DIP2A: variants seen among roughly 807,000 people sequenced by gnomAD.
The protein encoded by DIP2A is disco-interacting protein 2 homolog A.
DIP2A carries 85 observed loss-of-function variants against 177.4 expected under a neutral mutation model. The ratio of observed to expected loss-of-function variants is 0.48; its 90% CI spans 0.40 to 0.57. The LOEUF (loss-of-function observed/expected upper bound fraction) is 0.57, where lower values mean the gene tolerates loss of function less well. Among genes scored for constraint, DIP2A ranks in the 20% least tolerant of loss-of-function variants. The probability of loss-of-function intolerance (pLI) is 0.00; values close to 1 mark genes in which losing one functional copy is unlikely to be tolerated. For synonymous variants in DIP2A, 886 were observed against 881.8 expected (o/e 1.00, Z -0.08); for missense variants, 1,791 against 2,100.2 (o/e 0.85, Z 2.88).
At position 46,567,501 on chromosome 21, in the gene DIP2A, T is replaced by A. The variant is rs1187369481; in HGVS notation, c.4595T>A (p.Val1532Glu). The part of the protein sequence containing the change: ...LEEHYLVVGV[V>E]VIVDPGVIPI... ...GAGCACTACCTGGTCGTGGGAGTGGTGGTCATCGTGGACCCAGGGGTGATC... is the reference window on the plus strand; with the variant it reads ...GAGCACTACCTGGTCGTGGGAGTGGAGGTCATCGTGGACCCAGGGGTGATC... The change falls in exon 38 of 38, where the codon GTG (valine) becomes GAG (glutamate). Residue 1532 changes from valine (V) to glutamate (E), a missense_variant. Val to Glu is a moderately radical substitution (Grantham distance 121). Transcript: ENST00000417564. The A allele has an allele frequency of 6.2e-7, 1 of 1,613,810 alleles. No homozygotes were observed. Among genetic ancestry groups the A allele is most frequent in the Non-Finnish European group, 8.5e-7 (1 of 1,179,862 alleles).
chr21:46,469,192 A>G (rs771984915), intron 1 of DIP2A: 14 of 152,258 alleles, frequency 9.2e-5, no homozygotes, highest in Non-Finnish European at 1.8e-4. Flanking sequence ...TTCTGTCTCC[A>G]GCACCTTGCA....
chr21:46,548,471 C>G (rs1363021854), intron 21 of DIP2A, among the ~76,000 whole-genome samples: 1 of 152,084 alleles, frequency 6.6e-6, no homozygotes, highest in East Asian at 1.9e-4. Context: ...GGAACCACAA[C>G]CAATTGAGAG....
downstream of DIP2A, among the ~76,000 whole-genome samples, chr21:46,573,645 C>CAAAAAAAAAAAAAAAAAAAAAAAAA (rs201994694): frequency 4.9e-4 from 26 of 52,976 alleles, 1 homozygote; most frequent in Non-Finnish European, 6.8e-4. Context: ...CCCTCTCTCA[C>CAAAAAAAAAAAAAAAAAAAAAAAAA]AAAAAAAAAA....
chr21:46,467,812 C>A (rs192265813), intron 1 of DIP2A, among the ~76,000 whole-genome samples: 10 of 151,804 alleles, frequency 6.6e-5, no homozygotes, highest in Admixed American at 1.3e-4. Flanking sequence ...TTCTAAGTTT[C>A]TTTAAAAATA....
chr21:46,528,941 A>G, intron 8 of DIP2A, 151 bp from the exon 9 acceptor site: 1 of 488,612 alleles, frequency 2.0e-6, no homozygotes, highest in South Asian at 3.0e-5. Context: ...TGTTCATTAC[A>G]ACATTGTGCA....
chr21:46,471,563 GTATTGCA>G (rs1425592768), intron 1 of DIP2A, among the ~76,000 whole-genome samples: 5 of 152,186 alleles, frequency 3.3e-5, no homozygotes, highest in African/African-American at 9.7e-5. Context: ...GACATTTTCA[GTATTGCA>G]CTGGTCTATT....
At chr21:46,464,815 G>GTTTTTTTTTTTTT (rs1568894284) in intron 1 of DIP2A, among the ~76,000 whole-genome samples, 1 of 42,964 alleles carries the variant, frequency 2.3e-5, no homozygotes, top group Admixed American at 3.1e-4. Context: ...TAATATTCAT[G>GTTTTTTTTTTTTT]TCTTTTTTTT....
chr21:46,569,085 A>G lies in DIP2A; in HGVS notation c.*1463A>G, dbSNP rs910336411. On this transcript the variant is annotated 3_prime_UTR_variant, in exon 38 of 38. Coordinates refer to ENST00000417564, the MANE Select transcript of DIP2A (RefSeq NM_015151.4). ...CGAATCTAAGACATAGATTATTTTT[A>G]TATAGCTAATGAAGAGTATGTTACG... The G allele has an allele frequency of 6.6e-6, 1 of 152,224 alleles. No homozygotes were observed. Among genetic ancestry groups the G allele is most frequent in the Non-Finnish European group, 1.5e-5 (1 of 68,040 alleles). 9.4% of individuals were successfully genotyped at this position (152,224 alleles called of 1,614,324 possible).
intron 1 of DIP2A, among the ~76,000 whole-genome samples, chr21:46,472,188 A>G (rs2055445410): frequency 6.6e-6 from 1 of 152,234 alleles, no homozygotes; most frequent in South Asian, 2.1e-4. Flanking sequence ...GTGCATAGAA[A>G]GGCCATGTGA....
intron 33 of DIP2A, 78 bp downstream of exon 33, chr21:46,560,861 A>G (rs1768577250): frequency 2.0e-6 from 3 of 1,531,566 alleles, no homozygotes; most frequent in African/African-American, 1.4e-5. Context: ...CTGACTATGC[A>G]CCCCCGGGAC....
chr21:46,477,570 T>TGTGTGTGTG (rs1180881454), intron 1 of DIP2A, among the ~76,000 whole-genome samples: 2 of 127,944 alleles, frequency 1.6e-5, no homozygotes, highest in South Asian at 2.5e-4. Context: ...TGTGTGTGTA[T>TGTGTGTGTG]TTCTTTTTTT....
chr21:46,534,533 G>A lies in DIP2A; in HGVS notation c.1540-52G>A, dbSNP rs1601717389. 3.3e-6 allele frequency: 5 copies of A among 1,532,498 alleles called. No individual in the cohort carries two copies. The South Asian group carries it at 4.6e-5, about 14-fold the overall frequency. The allele number at this position is 1,532,498 out of a possible 1,614,324, so 94.9% of individuals were successfully genotyped here. A position where few individuals can be genotyped will look rare whatever the true frequency, so the allele number is the denominator to read the frequency against. On this transcript the variant is annotated intron_variant, in intron 12 of 37. Transcript: ENST00000417564. ...GATTCTACCAGTTTCCATTCTGTCTGTTGTCACCTCTAGAAATACCACATC... is the reference window on the plus strand; with the variant it reads ...GATTCTACCAGTTTCCATTCTGTCTATTGTCACCTCTAGAAATACCACATC...
At chr21:46,549,007 AC>A (rs2060166981) in intron 21 of DIP2A, among the ~76,000 whole-genome samples, 1 of 152,252 alleles carries the variant, frequency 6.6e-6, no homozygotes, top group Non-Finnish European at 1.5e-5. Context: ...GTTTTAACAC[AC>A]AGAGGTCCGT....
intron 8 of DIP2A, among the ~76,000 whole-genome samples, chr21:46,525,884 T>G (rs183681659): frequency 2.2e-4 from 29 of 132,062 alleles, no homozygotes; most frequent in African/African-American, 5.9e-4. Flanking sequence ...TTATTATTAT[T>G]ATTATTATTA....
chr21:46,539,535 T>A, intron 16 of DIP2A: 1 of 364,496 alleles, frequency 2.7e-6, no homozygotes, highest in East Asian at 7.1e-5. Flanking sequence ...GCACCTCCTC[T>A]CCAGTGCCTC....
intron 2 of DIP2A, among the ~76,000 whole-genome samples, chr21:46,486,386 G>T (rs1056231124): frequency 2.0e-5 from 3 of 152,114 alleles, no homozygotes; most frequent in African/African-American, 7.2e-5. Flanking sequence ...TTGAGATGGG[G>T]TCTCGCTATG....
chr21:46,474,670 T>G (rs925638300), intron 1 of DIP2A, among the ~76,000 whole-genome samples: 2 of 152,148 alleles, frequency 1.3e-5, no homozygotes, highest in East Asian at 1.9e-4. Flanking sequence ...AGAGGTGAGA[T>G]CTCACTGTGT....
intron 8 of DIP2A, among the ~76,000 whole-genome samples, chr21:46,527,175 C>A (rs1454621980): frequency 6.6e-6 from 1 of 151,796 alleles, no homozygotes; most frequent in South Asian, 2.1e-4. Flanking sequence ...TCTGTTGAAC[C>A]TCTTTGCATT....
intron 8 of DIP2A, among the ~76,000 whole-genome samples, chr21:46,525,206 CTCTT>C (rs1227501333): frequency 1.3e-5 from 2 of 151,526 alleles, no homozygotes; most frequent in Admixed American, 1.3e-4. Context: ...CTTTTATGTT[CTCTT>C]TAAGTACTGT....
Sources: gnomAD v4.1 joint callset for allele counts (sites outside exome capture counted in the v4.1 genomes callset) on GRCh38, gnomAD v4.1.1 for gene constraint, MANE v1.5 for transcripts, NCBI Gene and HGNC (gene_info 2026-07-23, HGNC 2026-07-21) for gene names.